TENM2: variants seen among roughly 807,000 people sequenced by gnomAD.
TENM2 encodes the protein teneurin-2.
Under a neutral mutation model 245.2 loss-of-function variants are expected in TENM2, and 52 were observed. The ratio of observed to expected loss-of-function variants is 0.21; its 90% CI spans 0.17 to 0.27. The LOEUF (loss-of-function observed/expected upper bound fraction) is 0.27, where lower values mean the gene tolerates loss of function less well. Among genes scored for constraint, TENM2 ranks in the 10% least tolerant of loss-of-function variants. The pLI, the probability that TENM2 is intolerant of heterozygous loss-of-function variation, is 1.00. For missense variants in TENM2, 3,046 were observed against 3,666.8 expected (o/e 0.83, Z 4.37); for synonymous variants, 1,363 against 1,438.9 (o/e 0.95, Z 1.19).
At chr5:167,313,711 C>T (rs988934837) in intron 1 of TENM2, among the ~76,000 whole-genome samples, 1 of 152,186 alleles carries the variant, frequency 6.6e-6, no homozygotes, top group Non-Finnish European at 1.5e-5. Flanking sequence ...GATTGCCCTT[C>T]TCCCATCATT....
intron 2 of TENM2, among the ~76,000 whole-genome samples, chr5:167,830,591 A>AAATCAATGTTGTGTACTAT (rs1358616798): frequency 2.0e-5 from 3 of 152,198 alleles, no homozygotes; most frequent in East Asian, 3.9e-4. Context: ...ACGTGGAAAC[A>AAATCAATGTTGTGTACTAT]AATCAATGTT....
chr5:167,504,753 A>G (rs970633150), intron 2 of TENM2, among the ~76,000 whole-genome samples: 9 of 152,074 alleles, frequency 5.9e-5, no homozygotes, highest in Non-Finnish European at 1.2e-4. Context: ...TTACTGCTTT[A>G]TTTTTCCTGT....
the TENM2 span, among the ~76,000 whole-genome samples, chr5:167,154,353 T>C: frequency 7.9e-5 from 12 of 152,284 alleles, no homozygotes; most frequent in South Asian, 1.9e-3. Context: ...GCCACACAGG[T>C]ATTTATAGAA....
chr5:167,070,725 G>T, the TENM2 span, among the ~76,000 whole-genome samples: 1 of 152,098 alleles, frequency 6.6e-6, no homozygotes, highest in Non-Finnish European at 1.5e-5. Context: ...TTTGTCAAGT[G>T]TGAAGACCAG....
At chr5:167,308,653 C>G (rs1388829084) in intron 1 of TENM2, among the ~76,000 whole-genome samples, 1 of 152,306 alleles carries the variant, frequency 6.6e-6, no homozygotes, top group South Asian at 2.1e-4. Context: ...CAACATCTTT[C>G]CAGCTGTGAA....
At chr5:167,483,051 G>A (rs368304242) in intron 2 of TENM2, among the ~76,000 whole-genome samples, 3 of 152,014 alleles carry the variant, frequency 2.0e-5, no homozygotes, top group Non-Finnish European at 2.9e-5. Flanking sequence ...TGGTATTTAC[G>A]TCCTTGACCC....
chr5:167,828,650 G>A, intron 2 of TENM2, among the ~76,000 whole-genome samples: 1 of 152,040 alleles, frequency 6.6e-6, no homozygotes, highest in Admixed American at 6.5e-5. Flanking sequence ...TACATAGACA[G>A]ATAGACGAAA....
intron 2 of TENM2, among the ~76,000 whole-genome samples, chr5:167,607,935 T>G (rs971246306): frequency 1.3e-5 from 2 of 152,162 alleles, no homozygotes; most frequent in African/African-American, 4.8e-5. Flanking sequence ...ACAGAAAATG[T>G]ACTTCTTTTT....
chr5:167,151,929 G>A, the TENM2 span, among the ~76,000 whole-genome samples: 7 of 152,140 alleles, frequency 4.6e-5, no homozygotes, highest in Non-Finnish European at 8.8e-5. Context: ...GCTCCAAGTC[G>A]AAAGGAAAGA....
the TENM2 span, among the ~76,000 whole-genome samples, chr5:167,117,737 T>G: frequency 1.3e-5 from 2 of 152,142 alleles, no homozygotes; most frequent in East Asian, 3.9e-4. Context: ...CAGGTAATTC[T>G]TTGTTGTGGG....
chr5:168,173,583 C>G (rs2152474661), intron 13 of TENM2, among the ~76,000 whole-genome samples: 1 of 152,214 alleles, frequency 6.6e-6, no homozygotes, highest in Non-Finnish European at 1.5e-5. Context: ...CACCCTCCCC[C>G]ACACCAGCCA....
At chr5:167,428,875 TG>T (rs1254498126) in intron 2 of TENM2, among the ~76,000 whole-genome samples, 1 of 152,190 alleles carries the variant, frequency 6.6e-6, no homozygotes, top group East Asian at 1.9e-4. Flanking sequence ...GATGTGTTCA[TG>T]TTTTGTTCCT....
chr5:167,526,206 C>T (rs1411387598), intron 2 of TENM2, among the ~76,000 whole-genome samples: 2 of 151,898 alleles, frequency 1.3e-5, no homozygotes, highest in Non-Finnish European at 2.9e-5. Context: ...ACCTCTACTG[C>T]AAAATCCAGA....
intron 2 of TENM2, among the ~76,000 whole-genome samples, chr5:167,800,555 A>G (rs1424098134): frequency 6.6e-6 from 1 of 152,184 alleles, no homozygotes; most frequent in Non-Finnish European, 1.5e-5. Context: ...GCAGTTAACA[A>G]GCAGAGCCTG....
the TENM2 span, among the ~76,000 whole-genome samples, chr5:167,253,270 T>A: frequency 2.7e-5 from 4 of 149,372 alleles, no homozygotes; most frequent in African/African-American, 9.9e-5. Flanking sequence ...TTTTTTTTTT[T>A]AATTTTTCAT....
chr5:168,139,945 A>C (rs1259732639), intron 12 of TENM2, among the ~76,000 whole-genome samples: 1 of 152,244 alleles, frequency 6.6e-6, no homozygotes, highest in African/African-American at 2.4e-5. Context: ...AAAATGTATT[A>C]AAATGTTGTG....
rs146549640 is a variant in TENM2 at position 168,204,296 on chromosome 5, C to T, written c.3575-76C>T. 1,479 of 1,485,528 alleles carry T rather than the reference C, an allele frequency of 1.0e-3. 14 individuals are homozygous for T. In the African/African-American group the frequency reaches 0.019, roughly 19 times the overall value. The allele number at this position is 1,485,528 out of a possible 1,614,324, so 92.0% of individuals were successfully genotyped here. A position where few individuals can be genotyped will look rare whatever the true frequency, so the allele number is the denominator to read the frequency against. Reference sequence around the variant, plus strand: ...GAAGATTCCTAATTTGTCTCTTCCCCTCCCTCCCAGTTGGCCAATACACAT... The same window carrying T: ...GAAGATTCCTAATTTGTCTCTTCCCTTCCCTCCCAGTTGGCCAATACACAT... On this transcript the variant is annotated intron_variant, in intron 18 of 28. Transcript: ENST00000518659.
chr5:167,785,472 C>T (rs1396005328), intron 2 of TENM2, among the ~76,000 whole-genome samples: 2 of 152,088 alleles, frequency 1.3e-5, no homozygotes, highest in East Asian at 3.9e-4. Flanking sequence ...GATTTCTAGT[C>T]CTGCAGGAAA....
the TENM2 span, among the ~76,000 whole-genome samples, chr5:167,162,090 C>T: frequency 1.3e-5 from 2 of 149,494 alleles, no homozygotes; most frequent in Admixed American, 6.7e-5. Context: ...CACTTGAACC[C>T]AGGAGGCAGA....
Sources: allele counts gnomAD v4.1 joint callset (sites outside exome capture counted in the v4.1 genomes callset), GRCh38; gene constraint gnomAD v4.1.1; transcripts MANE v1.5; gene names NCBI Gene and HGNC (gene_info 2026-07-23, HGNC 2026-07-21).